PDGFD: variants seen among roughly 807,000 people sequenced by gnomAD.
PDGFD encodes platelet-derived growth factor D.
In PDGFD, 30 loss-of-function variants were observed where a neutral mutation model predicts 44.7. The observed-to-expected ratio is 0.67, with a 90% CI of 0.50 to 0.91. The LOEUF (loss-of-function observed/expected upper bound fraction) is 0.91, where lower values mean the gene tolerates loss of function less well. Ranked by LOEUF, PDGFD falls within the 40% of genes least tolerant of loss-of-function variation. PDGFD has a pLI of 0.00. For synonymous variants in PDGFD, 173 were observed against 168.4 expected (o/e 1.03, Z -0.21); for missense variants, 445 against 457.8 (o/e 0.97, Z 0.25).
At chr11:103,970,323 G>C (rs1416433591) in intron 3 of PDGFD, among the ~76,000 whole-genome samples, 1 of 152,028 alleles carries the variant, frequency 6.6e-6, no homozygotes, top group Non-Finnish European at 1.5e-5. Flanking sequence ...TGACTTCTTT[G>C]TTATCACTGA....
chr11:104,059,967 T>C (rs1374260957), intron 1 of PDGFD, among the ~76,000 whole-genome samples: 1 of 152,248 alleles, frequency 6.6e-6, no homozygotes, highest in Non-Finnish European at 1.5e-5. Flanking sequence ...ATTTAGCTTC[T>C]GCAAGGGATT....
At chr11:104,039,204 A>G (rs1244175403) in intron 1 of PDGFD, 1 of 166,828 alleles carries the variant, frequency 6.0e-6, no homozygotes, top group South Asian at 2.1e-4. Context: ...CAAGATGTGT[A>G]TGTTTTGATT....
At chr11:103,993,048 G>T (rs1859482092) in intron 3 of PDGFD, among the ~76,000 whole-genome samples, 1 of 150,590 alleles carries the variant, frequency 6.6e-6, no homozygotes, top group African/African-American at 2.4e-5. Context: ...GACTTCTCGT[G>T]TGCTGTTTTT....
chr11:104,033,191 C>T (rs1441622346), intron 1 of PDGFD, among the ~76,000 whole-genome samples: 1 of 151,844 alleles, frequency 6.6e-6, no homozygotes, highest in Admixed American at 6.6e-5. Flanking sequence ...ATTTGAATCA[C>T]AAATCATGCT....
intron 1 of PDGFD, among the ~76,000 whole-genome samples, chr11:104,021,814 T>C (rs1160623007): frequency 6.6e-6 from 1 of 152,068 alleles, no homozygotes; most frequent in Non-Finnish European, 1.5e-5. Flanking sequence ...CTTCCAAAGC[T>C]TGGGTGGAAG....
intron 1 of PDGFD, among the ~76,000 whole-genome samples, chr11:104,048,737 C>A (rs1336328473): frequency 6.6e-6 from 1 of 152,062 alleles, no homozygotes; most frequent in African/African-American, 2.4e-5. Flanking sequence ...TTTTCTCATT[C>A]AAAAAATAGA....
intron 1 of PDGFD, among the ~76,000 whole-genome samples, chr11:104,062,821 T>C (rs1860734815): frequency 6.6e-6 from 1 of 152,214 alleles, no homozygotes; most frequent in Non-Finnish European, 1.5e-5. Context: ...ACAACAGATA[T>C]GCTAATGAAT....
At chr11:103,980,803 T>A (rs1007699194) in intron 3 of PDGFD, among the ~76,000 whole-genome samples, 1 of 151,958 alleles carries the variant, frequency 6.6e-6, no homozygotes, top group Non-Finnish European at 1.5e-5. Context: ...CCATCATATG[T>A]CACGTGAAGC....
chr11:104,091,338 G>T (rs1861210875), intron 1 of PDGFD, among the ~76,000 whole-genome samples: 1 of 151,900 alleles, frequency 6.6e-6, no homozygotes. Context: ...ATACTATAAG[G>T]TCCCTAATTT....
chr11:103,977,318 G>A (rs1859199350), intron 3 of PDGFD, among the ~76,000 whole-genome samples: 1 of 152,054 alleles, frequency 6.6e-6, no homozygotes, highest in Non-Finnish European at 1.5e-5. Context: ...TTGAAAAAGA[G>A]GGACTCCTCC....
intron 5 of PDGFD, among the ~76,000 whole-genome samples, chr11:103,937,523 A>G (rs1858509179): frequency 2.6e-5 from 4 of 152,060 alleles, no homozygotes; most frequent in African/African-American, 9.6e-5. Context: ...ATTCATAGGT[A>G]TATGTTTTTT....
chr11:103,960,748 C>T (rs1263084646), intron 3 of PDGFD, among the ~76,000 whole-genome samples: 1 of 152,094 alleles, frequency 6.6e-6, no homozygotes, highest in Admixed American at 6.6e-5. Context: ...AAGAACAGAA[C>T]TTTATTTCTG....
intron 1 of PDGFD, among the ~76,000 whole-genome samples, chr11:104,060,297 T>C (rs11226134): frequency 0.26 from 39,845 of 152,116 alleles, 5,571 homozygotes; most frequent in East Asian, 0.34. Context: ...GTGTAATGTC[T>C]GACTCATGTG....
chr11:104,015,876 C>A (rs924358317), intron 1 of PDGFD, among the ~76,000 whole-genome samples: 1 of 152,078 alleles, frequency 6.6e-6, no homozygotes, highest in African/African-American at 2.4e-5. Flanking sequence ...AAAGAGCTCA[C>A]GTGGAAACAA....
chr11:104,020,062 A>C (rs560506989), intron 1 of PDGFD, among the ~76,000 whole-genome samples: 1 of 152,308 alleles, frequency 6.6e-6, no homozygotes, highest in East Asian at 1.9e-4. Flanking sequence ...CCAATGAGTA[A>C]ATAAACACCA....
chr11:104,084,259 G>A (rs776512497), intron 1 of PDGFD, among the ~76,000 whole-genome samples: 9 of 152,178 alleles, frequency 5.9e-5, no homozygotes, highest in Admixed American at 2.0e-4. Flanking sequence ...GTGTTAGGGT[G>A]AAAACCAAAC....
intron 1 of PDGFD, among the ~76,000 whole-genome samples, chr11:104,070,496 C>T (rs921274782): frequency 3.9e-5 from 6 of 152,092 alleles, no homozygotes; most frequent in African/African-American, 1.4e-4. Context: ...ATTGCTGACC[C>T]AAGCCTCTAA....
chr11:104,048,487 T>A (rs1208701120), intron 1 of PDGFD, among the ~76,000 whole-genome samples: 1 of 152,116 alleles, frequency 6.6e-6, no homozygotes, highest in Non-Finnish European at 1.5e-5. Context: ...TTATTCTCTC[T>A]CCATGTGAAT....
In PDGFD at chr11:103,996,144, G is replaced by A. The variant is rs201226151; in HGVS notation, c.431C>T (p.Thr144Met). 13 of 1,613,630 alleles carry A rather than the reference G, an allele frequency of 8.1e-6. No individual in the cohort carries two copies. Among genetic ancestry groups the A allele is most frequent in the Admixed American group, 6.7e-5 (4 of 59,986 alleles). Residue 144 changes from threonine (T) to methionine (M), a missense_variant, in exon 3 of 7, where the codon ACG (threonine) becomes ATG (methionine). Transcript: ENST00000393158. ...KEVPPRIKSR[T>M]NQIKITFKSD... Reference sequence around the variant, plus strand: ...CTTGAATGTGATTTTAATTTGGTTCGTTCTTGATTTTATCCTTGGAGGAAC... The same window carrying A: ...CTTGAATGTGATTTTAATTTGGTTCATTCTTGATTTTATCCTTGGAGGAAC...
Sources: gnomAD v4.1 joint callset for allele counts (sites outside exome capture counted in the v4.1 genomes callset) on GRCh38, gnomAD v4.1.1 for gene constraint, MANE v1.5 for transcripts, NCBI Gene and HGNC (gene_info 2026-07-23, HGNC 2026-07-21) for gene names.